FRY: variants seen among roughly 807,000 people sequenced by gnomAD.
FRY encodes the protein FRY microtubule binding protein, also known as protein furry homolog.
Under a neutral mutation model 348.4 loss-of-function variants are expected in FRY, and 128 were observed. That is an observed-to-expected ratio of 0.37 (90% confidence interval 0.32 to 0.43). FRY has a LOEUF of 0.43. FRY is among the 20% of genes least tolerant of loss of function. FRY has a pLI of 1.00. For synonymous variants in FRY, 1,370 were observed against 1,374.7 expected (o/e 1.00, Z 0.08); for missense variants, 2,736 against 3,695.2 (o/e 0.74, Z 6.73).
chr13:32,217,247 G>T (rs970802450), intron 35 of FRY, among the ~76,000 whole-genome samples: 18 of 152,080 alleles, frequency 1.2e-4, no homozygotes. Context: ...TTAGTTCTTT[G>T]TTTTGGCTAC....
Position 32,187,954 on chromosome 13 carries a change from CAA to C in FRY, c.3591+302_3591+303del, listed in dbSNP as rs1471991528. Among the ~76,000 whole-genome samples the C allele has an allele frequency of 3.9e-5, 6 of 152,062 alleles. No individual in the cohort carries two copies. The East Asian group carries it at 1.2e-3, about 29-fold the overall frequency. On this transcript the variant is annotated intron_variant, in intron 28 of 60. Coordinates refer to ENST00000542859, the MANE Select transcript of FRY (RefSeq NM_023037.3). Reference sequence around the variant, plus strand: ...ATTAAGTTGGTATTCAATTCAATAACAAAAAGATAATTTTAAAAAATACTTCC... The same window carrying C: ...ATTAAGTTGGTATTCAATTCAATAACAAAGATAATTTTAAAAAATACTTCC...
chr13:32,251,949 A>G lies in FRY; in HGVS notation c.7242A>G (p.Pro2414=). Residue 2414 remains proline (P), a synonymous_variant, in exon 50 of 61, where the codon CCA becomes CCG. Transcript: ENST00000542859. ...AAGAAGTAGGATTGAGCAAAAATCC[A>G]TCAGTAAGTTCTGTCATGTGTCATA... ...CGQEVGLSKN[P]SVIFSSCGDL... 6.3e-7 allele frequency: 1 copy of G among 1,599,644 alleles called. No individual in the cohort carries two copies. Among genetic ancestry groups the G allele is most frequent in the African/African-American group, 1.3e-5 (1 of 74,806 alleles).
chr13:32,045,060 T>A (rs1313956483), intron 1 of FRY, among the ~76,000 whole-genome samples: 1 of 152,220 alleles, frequency 6.6e-6, no homozygotes, highest in Non-Finnish European at 1.5e-5. Flanking sequence ...CAATTTTCAC[T>A]ATTTTTTCCC....
At chr13:32,055,546 T>A (rs1031494699) in intron 1 of FRY, among the ~76,000 whole-genome samples, 3 of 152,208 alleles carry the variant, frequency 2.0e-5, no homozygotes, top group Non-Finnish European at 4.4e-5. Flanking sequence ...TAGGTCTTCA[T>A]GAGGCCATTG....
intron 17 of FRY, among the ~76,000 whole-genome samples, chr13:32,163,609 T>C (rs1341646999): frequency 6.6e-6 from 1 of 152,152 alleles, no homozygotes; most frequent in Admixed American, 6.5e-5. Flanking sequence ...ACTGAGGCCT[T>C]TGAAGTACCA....
chr13:32,115,887 C>G (rs1173541976), intron 3 of FRY, among the ~76,000 whole-genome samples: 1 of 152,062 alleles, frequency 6.6e-6, no homozygotes, highest in Non-Finnish European at 1.5e-5. Context: ...CATATGTATA[C>G]TTACATAGTA....
intron 1 of FRY, chr13:32,038,729 A>T (rs920958498): frequency 6.6e-6 from 1 of 152,198 alleles, no homozygotes; most frequent in Non-Finnish European, 1.5e-5. Context: ...GCTTTTCCAT[A>T]AGACCATCTT....
intron 1 of FRY, among the ~76,000 whole-genome samples, chr13:32,056,857 C>T (rs1437277971): frequency 6.6e-6 from 1 of 152,028 alleles, no homozygotes; most frequent in Non-Finnish European, 1.5e-5. Context: ...CATTTTATTA[C>T]TGAAATATTT....
At chr13:32,167,610 G>A (rs546895536) in intron 17 of FRY, among the ~76,000 whole-genome samples, 5 of 152,248 alleles carry the variant, frequency 3.3e-5, no homozygotes, top group South Asian at 2.1e-4. Context: ...CTGGGAGTTA[G>A]GACTTAAACA....
intron 2 of FRY, among the ~76,000 whole-genome samples, chr13:32,099,330 A>T (rs1301989314): frequency 6.6e-6 from 1 of 151,892 alleles, no homozygotes; most frequent in Non-Finnish European, 1.5e-5. Flanking sequence ...ATATATATAT[A>T]TACACACACA....
At chr13:32,258,385 G>T (rs1042501899) in intron 51 of FRY, among the ~76,000 whole-genome samples, 2 of 152,102 alleles carry the variant, frequency 1.3e-5, no homozygotes, top group African/African-American at 4.8e-5. Context: ...AGGCTGAGGT[G>T]CCAGATCACT....
chr13:32,141,074 G>A (rs984634302), intron 11 of FRY, among the ~76,000 whole-genome samples: 16 of 152,020 alleles, frequency 1.1e-4, no homozygotes, highest in Non-Finnish European at 4.4e-5. Flanking sequence ...GAGAAAATCT[G>A]TTTCAGATCT....
intron 1 of FRY, among the ~76,000 whole-genome samples, chr13:32,069,123 G>A (rs1299095143): frequency 6.6e-6 from 1 of 151,980 alleles, no homozygotes; most frequent in East Asian, 1.9e-4. Flanking sequence ...CACTGTGTTA[G>A]CCAGGATGGT....
Position 32,244,032 on chromosome 13 carries a change from G to C in FRY, c.6688-10G>C. The C allele has an allele frequency of 6.2e-7, 1 of 1,613,566 alleles. No homozygotes were observed. Among genetic ancestry groups the C allele is most frequent in the South Asian group, 1.1e-5 (1 of 91,068 alleles). ...GTGTGACTGACTCCAGCCGCACTTT[G>C]CCCCCACAGCTGCTGGAGAAGGGCC... On this transcript the variant is annotated splice_polypyrimidine_tract_variant and intron_variant, in intron 46 of 60. Coordinates refer to ENST00000542859, the MANE Select transcript of FRY (RefSeq NM_023037.3).
chr13:32,160,154 G>A (rs1692577763), intron 16 of FRY, among the ~76,000 whole-genome samples: 1 of 152,150 alleles, frequency 6.6e-6, no homozygotes, highest in Non-Finnish European at 1.5e-5. Flanking sequence ...TTACACAGAG[G>A]ATTGATTCTG....
intron 36 of FRY, among the ~76,000 whole-genome samples, chr13:32,221,170 A>G (rs1257688024): frequency 2.6e-5 from 4 of 152,218 alleles, no homozygotes; most frequent in Non-Finnish European, 2.9e-5. Flanking sequence ...GTCCTCCTTC[A>G]GAGCCTCAGT....
At chr13:32,294,661 G>T (rs2138665373) in intron 60 of FRY, 91 bp downstream of exon 60, 1 of 972,612 alleles carries the variant, frequency 1.0e-6, no homozygotes. Flanking sequence ...ACTACGGAAG[G>T]CTAGATATTT....
At chr13:32,209,849 G>C in intron 33 of FRY, 118 bp downstream of exon 33, 1 of 1,023,210 alleles carries the variant, frequency 9.8e-7, no homozygotes, top group Non-Finnish European at 1.5e-6. Context: ...TTAGTCACAT[G>C]AATCTCCTGT....
intron 14 of FRY, among the ~76,000 whole-genome samples, chr13:32,151,271 C>G (rs879777279): frequency 9.9e-5 from 15 of 152,214 alleles, no homozygotes; most frequent in Non-Finnish European, 2.1e-4. Flanking sequence ...TAGTTAACCT[C>G]TCTGTGTAGA....
Sources: allele counts gnomAD v4.1 joint callset (sites outside exome capture counted in the v4.1 genomes callset), GRCh38; gene constraint gnomAD v4.1.1; transcripts MANE v1.5; gene names NCBI Gene and HGNC (gene_info 2026-07-23, HGNC 2026-07-21).